Variants in SH3PXD2B observed in about 807,000 individuals in gnomAD.
The protein encoded by SH3PXD2B is SH3 and PX domains 2B, also known as SH3 and PX domain-containing protein 2B.
A neutral mutation model predicts 73.1 loss-of-function variants in SH3PXD2B; 37 were observed. The ratio of observed to expected loss-of-function variants is 0.51; its 90% confidence interval spans 0.39 to 0.67. The LOEUF is 0.67. Ranked by LOEUF, SH3PXD2B falls within the 30% of genes least tolerant of loss-of-function variation. SH3PXD2B has a pLI of 0.00. For missense variants in SH3PXD2B, 1,053 were observed against 1,197.8 expected (o/e 0.88, Z 1.78); for synonymous variants, 457 against 480.5 (o/e 0.95, Z 0.64).
chr5:172,410,180 A>T (rs1321571320), intron 2 of SH3PXD2B, among the ~76,000 whole-genome samples: 1 of 152,238 alleles, frequency 6.6e-6, no homozygotes, highest in Non-Finnish European at 1.5e-5. Context: ...TTGCTGAATC[A>T]TATGGAAGTT....
In SH3PXD2B at chr5:172,335,560, G is replaced by T. The variant is rs1042427183; in HGVS notation, c.*2809C>A. On this transcript the variant is annotated 3_prime_UTR_variant, in exon 13 of 13. Coordinates refer to ENST00000311601, the MANE Select transcript of SH3PXD2B (RefSeq NM_001017995.3). The stretch of plus-strand genomic sequence containing the variant: ...GTCCTATCCGCCTCACAGGCTTGCC[G>T]TAAGGATTAAAGGAGCGTGTGTGTT... 1 of 1,231,614 alleles carries T rather than the reference G, an allele frequency of 8.1e-7. No homozygotes were observed. The highest frequency in any genetic ancestry group is 1.0e-6 in the Non-Finnish European group (1 of 987,958). 76.3% of individuals were successfully genotyped at this position (1,231,614 alleles called of 1,614,324 possible). A position where few individuals can be genotyped will look rare whatever the true frequency, so the allele number is the denominator to read the frequency against.
In SH3PXD2B at chr5:172,339,891, C is replaced by G; in HGVS notation, c.1214G>C (p.Trp405Ser). 1 of 1,614,240 alleles carries G rather than the reference C, an allele frequency of 6.2e-7. No individual in the cohort carries two copies. Among genetic ancestry groups the G allele is most frequent in the Non-Finnish European group, 8.5e-7 (1 of 1,180,048 alleles). Reference sequence around the variant, plus strand: ...CTTATCTTCAATCTGAATGTACCACCAGCCACTCAAGTTTTTCTCGATCAC... The same window carrying G: ...CTTATCTTCAATCTGAATGTACCACGAGCCACTCAAGTTTTTCTCGATCAC... ...VEVIEKNLSG[W>S]WYIQIEDKEG... The change falls in exon 13 of 13, where the codon TGG becomes TCG. Residue 405 changes from tryptophan to serine, a missense_variant. Around this residue, in one of 2 missense-constraint regions of SH3PXD2B, gnomAD observed 466 missense variants for 607.1 expected, o/e 0.77. Transcript: ENST00000311601. This position sits in a 1 kb window ranked among gnomAD's most constrained non-coding sequence, Gnocchi z 6.1.
intron 1 of SH3PXD2B, among the ~76,000 whole-genome samples, chr5:172,432,925 A>AGGGG (rs201533837): frequency 3.8e-5 from 3 of 78,774 alleles, no homozygotes; most frequent in Non-Finnish European, 7.1e-5. Flanking sequence ...CAAAAAAAAA[A>AGGGG]GGGGGGGGGG....
intron 6 of SH3PXD2B, among the ~76,000 whole-genome samples, chr5:172,369,393 A>T (rs1581281609): frequency 6.6e-6 from 1 of 152,174 alleles, no homozygotes; most frequent in South Asian, 2.1e-4. Flanking sequence ...CCCTTTAGAG[A>T]AAGTTTGTCA....
At chr5:172,442,319 T>C (rs757710913) in intron 1 of SH3PXD2B, among the ~76,000 whole-genome samples, 5 of 152,224 alleles carry the variant, frequency 3.3e-5, no homozygotes, top group Admixed American at 6.5e-5. Flanking sequence ...TTCCTATGCA[T>C]AGAAATATTT....
chr5:172,363,237 G>T (rs888280274), intron 6 of SH3PXD2B, among the ~76,000 whole-genome samples: 3 of 151,866 alleles, frequency 2.0e-5, no homozygotes, highest in Admixed American at 2.0e-4. Context: ...TCTATCTGCC[G>T]TCCATTCAAC....
chr5:172,333,624 C>T lies in SH3PXD2B; in HGVS notation c.*4745G>A. The T allele has an allele frequency of 1.6e-6, 2 of 1,287,374 alleles. No individual in the cohort carries two copies. Among genetic ancestry groups the T allele is most frequent in the Non-Finnish European group, 2.0e-6 (2 of 988,324 alleles). The allele number at this position is 1,287,374 out of a possible 1,614,324, so 79.7% of individuals were successfully genotyped here. A position where few individuals can be genotyped will look rare whatever the true frequency, so the allele number is the denominator to read the frequency against. On this transcript the variant is annotated 3_prime_UTR_variant, in exon 13 of 13. Transcript: ENST00000311601. ...CTAGTTGTTCTCACCCCTCCCCTCA[C>T]ATCCTATATACTCATTTATTTAATG...
chr5:172,389,421 A>C (rs1039542947), intron 4 of SH3PXD2B, among the ~76,000 whole-genome samples: 4 of 151,964 alleles, frequency 2.6e-5, no homozygotes, highest in African/African-American at 9.7e-5. Context: ...GCTTGAGTCC[A>C]ACTCTCTAAC....
chr5:172,446,506 G>A (rs1423432246), intron 1 of SH3PXD2B, among the ~76,000 whole-genome samples: 1 of 152,120 alleles, frequency 6.6e-6, no homozygotes, highest in Non-Finnish European at 1.5e-5. Flanking sequence ...TGACATTCCC[G>A]CTACCACAGC....
At chr5:172,380,398 A>G (rs537268526) in intron 5 of SH3PXD2B, among the ~76,000 whole-genome samples, 4 of 152,300 alleles carry the variant, frequency 2.6e-5, no homozygotes, top group African/African-American at 4.8e-5. Context: ...TGGAAAGGGA[A>G]CACAATAAGC....
chr5:172,337,644 A>T lies in SH3PXD2B; in HGVS notation c.*725T>A. ...CATTGAAAAGCCCTGGAGGGACCGG[A>T]GCCTGCAGCAGCAAAGCGCAGCATA... On this transcript the variant is annotated 3_prime_UTR_variant, in exon 13 of 13. Transcript: ENST00000311601. 1.0e-6 allele frequency: 1 copy of T among 986,230 alleles called. No individual in the cohort carries two copies. The highest frequency in any genetic ancestry group is 1.2e-6 in the Non-Finnish European group (1 of 830,520). The allele number at this position is 986,230 out of a possible 1,614,324, so 61.1% of individuals were successfully genotyped here. A position where few individuals can be genotyped will look rare whatever the true frequency, so the allele number is the denominator to read the frequency against.
At chr5:172,328,713 G>A (rs1020071075), downstream of SH3PXD2B, among the ~76,000 whole-genome samples, 1 of 152,040 alleles carries the variant, frequency 6.6e-6, no homozygotes, top group African/African-American at 2.4e-5. Context: ...ACTGACCCAG[G>A]CACAGGCCTC....
At chr5:172,418,814 C>G (rs958456376) in intron 2 of SH3PXD2B, among the ~76,000 whole-genome samples, 2 of 152,172 alleles carry the variant, frequency 1.3e-5, no homozygotes, top group African/African-American at 4.8e-5. Context: ...GGCAACCCCC[C>G]AGTTATTACC....
chr5:172,380,349 A>G (rs1037689373), intron 5 of SH3PXD2B, among the ~76,000 whole-genome samples: 4 of 152,100 alleles, frequency 2.6e-5, no homozygotes, highest in African/African-American at 4.8e-5. Context: ...GCGTGAGGGA[A>G]TGACAGTTTT....
intron 6 of SH3PXD2B, among the ~76,000 whole-genome samples, chr5:172,369,550 A>G (rs1168378115): frequency 2.0e-5 from 3 of 152,020 alleles, no homozygotes; most frequent in Non-Finnish European, 4.4e-5. Flanking sequence ...TGGGCGGATC[A>G]TGAGGTCAGG....
Position 172,357,118 on chromosome 5 carries a change from CAA to C in SH3PXD2B, c.667+1653_667+1654del, listed in dbSNP as rs59461760. Among the ~76,000 whole-genome samples, 185 of 59,002 alleles carry C rather than the reference CAA, an allele frequency of 3.1e-3. 1 individual carries two copies. The highest frequency in any genetic ancestry group is 4.6e-3 in the South Asian group (6 of 1,304). 38.7% of individuals were successfully genotyped at this position (59,002 alleles called of 152,430 possible). On this transcript the variant is annotated intron_variant, in intron 8 of 12. Coordinates refer to ENST00000311601, the MANE Select transcript of SH3PXD2B (RefSeq NM_001017995.3). The stretch of plus-strand genomic sequence containing the variant: ...TGAGTAACAGAGTGAGACCCCATCT[CAA>C]AAAAAAAAAAAAAAAAAAAAAGGGC...
chr5:172,337,150 G>T lies in SH3PXD2B; in HGVS notation c.*1219C>A. ...AGGACCCTGGCATTCTCCTGTCATG[G>T]AGATGCAGCTGTTGAGTCCAGGGCA... On this transcript the variant is annotated 3_prime_UTR_variant, in exon 13 of 13. Transcript: ENST00000311601. 1.0e-6 allele frequency: 1 copy of T among 985,592 alleles called. No individual in the cohort carries two copies. The highest frequency in any genetic ancestry group is 1.2e-6 in the Non-Finnish European group (1 of 830,042). The allele number at this position is 985,592 out of a possible 1,614,324, so 61.1% of individuals were successfully genotyped here.
At chr5:172,362,352 T>A (rs2113321330) in intron 7 of SH3PXD2B, among the ~76,000 whole-genome samples, 1 of 152,228 alleles carries the variant, frequency 6.6e-6, no homozygotes, top group Non-Finnish European at 1.5e-5. Flanking sequence ...AGACAGGGAA[T>A]GCGCCTGTCC....
intron 1 of SH3PXD2B, among the ~76,000 whole-genome samples, chr5:172,452,690 A>G (rs1759824003): frequency 6.6e-6 from 1 of 152,192 alleles, no homozygotes; most frequent in African/African-American, 2.4e-5. Context: ...TTGCCAGCTC[A>G]CAGACCTGGT....
Sources: gnomAD v4.1 joint callset for allele counts (sites outside exome capture counted in the v4.1 genomes callset) on GRCh38, gnomAD v4.1.1 for gene constraint, gnomAD v4.1.1 regional missense constraint, Gnocchi (gnomAD v3.1) non-coding constraint, MANE v1.5 for transcripts, NCBI Gene and HGNC (gene_info 2026-07-23, HGNC 2026-07-21) for gene names.